Variants in CHN1 observed in about 807,000 individuals in gnomAD.
CHN1 encodes N-chimaerin.
CHN1 carries 37 observed loss-of-function variants against 59.5 expected under a neutral mutation model. That is an observed-to-expected ratio of 0.62 (90% CI 0.48 to 0.82). The LOEUF (loss-of-function observed/expected upper bound fraction) is 0.82, where lower values mean the gene tolerates loss of function less well. Among genes scored for constraint, CHN1 ranks in the 40% least tolerant of loss-of-function variants. The probability of loss-of-function intolerance (pLI) is 0.00; values close to 1 mark genes in which losing one functional copy is unlikely to be tolerated. For missense variants in CHN1, 469 were observed against 571.0 expected (o/e 0.82, Z 1.82); for synonymous variants, 206 against 200.4 (o/e 1.03, Z -0.24).
At chr2:174,921,107 C>T (rs537194487) in intron 3 of CHN1, 52 of 350,230 alleles carry the variant, frequency 1.5e-4, no homozygotes, top group South Asian at 9.4e-4. Context: ...GTTGAAGCTT[C>T]GCTGGCTCAC....
intron 3 of CHN1, among the ~76,000 whole-genome samples, chr2:174,940,852 T>C (rs1489696179): frequency 2.6e-5 from 4 of 152,198 alleles, no homozygotes; most frequent in Non-Finnish European, 5.9e-5. Context: ...ACCTACAGCC[T>C]TTCTTCCAAT....
At chr2:174,803,348 A>G (rs369874681) in intron 11 of CHN1, among the ~76,000 whole-genome samples, 1 of 152,174 alleles carries the variant, frequency 6.6e-6, no homozygotes, top group African/African-American at 2.4e-5. Flanking sequence ...CCATTTTACA[A>G]TCTCTACCCC....
At chr2:174,841,943 C>T (rs1204661125) in intron 7 of CHN1, among the ~76,000 whole-genome samples, 1 of 152,134 alleles carries the variant, frequency 6.6e-6, no homozygotes, top group Non-Finnish European at 1.5e-5. Flanking sequence ...CACAGATTCT[C>T]TAGTCAATAT....
Position 174,860,418 on chromosome 2 carries a change from T to G in CHN1, c.550-13461A>C, listed in dbSNP as rs556143598. ...AATATAATGTAAAAAAATAAATTTT[T>G]GGGTGCTAGACATATGGCCAAAGTG... is the stretch of plus-strand genomic sequence containing the variant. On this transcript the variant is annotated intron_variant, in intron 6 of 12. Transcript: ENST00000409900. 5.3e-5 allele frequency among the ~76,000 whole-genome samples: 8 copies of G among 152,282 alleles called. 1 individual carries two copies. Among genetic ancestry groups the G allele is most frequent in the African/African-American group, 1.9e-4 (8 of 41,568 alleles).
At chr2:174,938,482 T>C (rs1558989757) in intron 3 of CHN1, among the ~76,000 whole-genome samples, 1 of 152,200 alleles carries the variant, frequency 6.6e-6, no homozygotes, top group African/African-American at 2.4e-5. Flanking sequence ...AATAATATTA[T>C]GTATGAATTT....
intron 1 of CHN1, among the ~76,000 whole-genome samples, chr2:174,962,935 C>T (rs1350102791): frequency 2.6e-5 from 4 of 152,122 alleles, no homozygotes; most frequent in Non-Finnish European, 4.4e-5. Flanking sequence ...TTATTATATA[C>T]ATATATCCTT....
At chr2:174,997,798 G>A (rs1294022122) in intron 1 of CHN1, among the ~76,000 whole-genome samples, 4 of 152,048 alleles carry the variant, frequency 2.6e-5, no homozygotes, top group Non-Finnish European at 5.9e-5. Flanking sequence ...TTGGGAGACC[G>A]AGGCGGGAGG....
At chr2:174,855,064 A>G (rs536104635) in intron 6 of CHN1, among the ~76,000 whole-genome samples, 2 of 152,220 alleles carry the variant, frequency 1.3e-5, no homozygotes, top group Non-Finnish European at 2.9e-5. Context: ...GACCAATTAT[A>G]CTCTTTTCCA....
intron 5 of CHN1, among the ~76,000 whole-genome samples, chr2:174,884,676 A>G (rs1687839355): frequency 6.6e-6 from 1 of 152,220 alleles, no homozygotes; most frequent in East Asian, 1.9e-4. Flanking sequence ...AGCAACATCC[A>G]TAAATGGCCA....
At chr2:174,973,021 T>C (rs1341570286) in intron 1 of CHN1, among the ~76,000 whole-genome samples, 1 of 152,224 alleles carries the variant, frequency 6.6e-6, no homozygotes, top group Non-Finnish European at 1.5e-5. Context: ...CTTTCATAGC[T>C]TTACTAGTGA....
At chr2:174,950,048 G>A (rs763163350) in intron 2 of CHN1, among the ~76,000 whole-genome samples, 3 of 152,036 alleles carry the variant, frequency 2.0e-5, no homozygotes, top group Non-Finnish European at 2.9e-5. Context: ...ATCACTTGAG[G>A]TCGGGAGTTG....
At chr2:174,819,329 TAGG>T (rs1685397541) in intron 8 of CHN1, among the ~76,000 whole-genome samples, 1 of 152,218 alleles carries the variant, frequency 6.6e-6, no homozygotes, top group Admixed American at 6.5e-5. Context: ...AGTTTATTAT[TAGG>T]AGAACTGCTG....
At chr2:174,990,317 G>A (rs1360057919) in intron 1 of CHN1, among the ~76,000 whole-genome samples, 18 of 145,012 alleles carry the variant, frequency 1.2e-4, no homozygotes, top group Admixed American at 6.2e-4. Context: ...GTGCGAGGTC[G>A]TGGGGGGGTG....
intron 6 of CHN1, among the ~76,000 whole-genome samples, chr2:174,850,108 C>A (rs551955957): frequency 7.9e-5 from 12 of 152,158 alleles, no homozygotes; most frequent in Admixed American, 3.3e-4. Context: ...CCCCCTCCTA[C>A]GTGATGGCTT....
chr2:174,805,514 G>A (rs999225501), intron 11 of CHN1, among the ~76,000 whole-genome samples: 2 of 152,186 alleles, frequency 1.3e-5, no homozygotes, highest in Admixed American at 6.5e-5. Context: ...AAGACAAAAC[G>A]TAATTACAAC....
chr2:174,938,475 A>G (rs748012686), intron 3 of CHN1, among the ~76,000 whole-genome samples: 9 of 152,308 alleles, frequency 5.9e-5, no homozygotes, highest in Non-Finnish European at 1.3e-4. Flanking sequence ...TCATTATAAT[A>G]ATATTATGTA....
chr2:174,922,974 C>T (rs1182157426), intron 3 of CHN1, among the ~76,000 whole-genome samples: 1 of 152,040 alleles, frequency 6.6e-6, no homozygotes, highest in Non-Finnish European at 1.5e-5. Context: ...AGTATGCATA[C>T]CAAATTCAAA....
intron 8 of CHN1, among the ~76,000 whole-genome samples, chr2:174,816,525 T>G (rs1231281838): frequency 1.3e-5 from 2 of 152,236 alleles, no homozygotes; most frequent in Admixed American, 6.5e-5. Context: ...CAGCCTTTTT[T>G]GGGGATTATT....
intron 1 of CHN1, among the ~76,000 whole-genome samples, chr2:175,004,418 C>A (rs1235184744): frequency 2.0e-5 from 3 of 152,026 alleles, no homozygotes; most frequent in Admixed American, 6.6e-5. Context: ...TTATTTCCAA[C>A]GGAATATACT....
Sources: allele counts gnomAD v4.1 joint callset (sites outside exome capture counted in the v4.1 genomes callset), GRCh38; gene constraint gnomAD v4.1.1; transcripts MANE v1.5; gene names NCBI Gene and HGNC (gene_info 2026-07-23, HGNC 2026-07-21).